Variants in PCLO observed in about 807,000 individuals in gnomAD.
PCLO encodes piccolo presynaptic cytomatrix protein, also known as protein piccolo.
Under a neutral mutation model 427.5 loss-of-function variants are expected in PCLO, and 82 were observed. The ratio of observed to expected loss-of-function variants is 0.19; its 90% confidence interval spans 0.16 to 0.23. The LOEUF (loss-of-function observed/expected upper bound fraction) is 0.23, where lower values mean the gene tolerates loss of function less well. Ranked by LOEUF, PCLO falls within the 10% of genes least tolerant of loss-of-function variation. PCLO has a pLI of 1.00. For missense variants in PCLO, 6,239 were observed against 6,115.9 expected, an observed-to-expected ratio of 1.02 and a Z score of -0.67; for synonymous variants, 2,357 against 2,155.4, an observed-to-expected ratio of 1.09 and a Z score of -2.59.
At chr7:82,940,635 A>G (rs1459965859) in intron 6 of PCLO, among the ~76,000 whole-genome samples, 1 of 151,518 alleles carries the variant, frequency 6.6e-6, no homozygotes, top group East Asian at 1.9e-4. Flanking sequence ...GTTATTTATC[A>G]TTCTTCACAG....
At chr7:82,986,537 T>C (rs1732557522) in intron 3 of PCLO, among the ~76,000 whole-genome samples, 1 of 151,940 alleles carries the variant, frequency 6.6e-6, no homozygotes, top group South Asian at 2.1e-4. Flanking sequence ...ATAACTTCAT[T>C]TTGATATTTA....
At chr7:82,945,605 C>A (rs565220709) in intron 6 of PCLO, among the ~76,000 whole-genome samples, 1 of 152,142 alleles carries the variant, frequency 6.6e-6, no homozygotes, top group Non-Finnish European at 1.5e-5. Context: ...TTGAAGCCAC[C>A]CAGTTTGTGG....
chr7:82,865,360 C>T (rs1316303580), intron 10 of PCLO, among the ~76,000 whole-genome samples: 1 of 151,924 alleles, frequency 6.6e-6, no homozygotes, highest in African/African-American at 2.4e-5. Flanking sequence ...TGGTGGCCAG[C>T]GACTGTAATC....
intron 1 of PCLO, among the ~76,000 whole-genome samples, chr7:83,158,075 G>C (rs1318797089): frequency 1.3e-5 from 2 of 152,012 alleles, no homozygotes; most frequent in East Asian, 1.9e-4. Flanking sequence ...TAGAAGAAAA[G>C]AAAATAATCT....
intron 3 of PCLO, among the ~76,000 whole-genome samples, chr7:83,111,784 T>C (rs1038799697): frequency 1.7e-4 from 26 of 152,248 alleles, no homozygotes; most frequent in Admixed American, 4.6e-4. Context: ...ACTTGTTACA[T>C]AGCAATATAA....
intron 8 of PCLO, among the ~76,000 whole-genome samples, chr7:82,903,457 A>T (rs1427574667): frequency 1.3e-5 from 2 of 152,026 alleles, no homozygotes; most frequent in Non-Finnish European, 2.9e-5. Flanking sequence ...TGTGATTTCA[A>T]TTCTCATTAT....
intron 3 of PCLO, among the ~76,000 whole-genome samples, chr7:83,133,920 C>T (rs978562210): frequency 4.0e-5 from 6 of 151,662 alleles, no homozygotes; most frequent in Non-Finnish European, 7.4e-5. Context: ...GGAGTTTACA[C>T]GTGAAAATAG....
At chr7:83,000,261 A>G (rs1787784424) in intron 3 of PCLO, among the ~76,000 whole-genome samples, 1 of 110,728 alleles carries the variant, frequency 9.0e-6, no homozygotes, top group South Asian at 3.4e-4. Flanking sequence ...TAAAATATTC[A>G]AAGTGTTGAG....
rs536663028 is a variant in PCLO at position 82,820,684 on chromosome 7, A to G, written c.14791+1811T>C. On this transcript the variant is annotated intron_variant, in intron 20 of 24. Coordinates refer to ENST00000333891, the MANE Select transcript of PCLO (RefSeq NM_033026.6). The stretch of plus-strand genomic sequence containing the variant: ...CCTCTAAGAATTTTCAAAATCCACT[A>G]AATTTTTAAAAGTTACACTTGAAAT... 2.1e-4 allele frequency: 261 copies of G among 1,230,318 alleles called. 1 individual carries two copies. In the African/African-American group the frequency reaches 3.2e-3, roughly 15 times the overall value. The allele number at this position is 1,230,318 out of a possible 1,614,324, so 76.2% of individuals were successfully genotyped here.
chr7:82,847,672 C>T lies in PCLO; in HGVS notation c.13655-425G>A, dbSNP rs983117601. 3.3e-5 allele frequency among the ~76,000 whole-genome samples: 5 copies of T among 152,246 alleles called. No individual in the cohort carries two copies. The South Asian group carries it at 8.3e-4, about 25-fold the overall frequency. ...TTGGTACTTTATCATGAAATGGGAG[C>T]AGTAGAAAAAAGTCATTTGGATTTC... On this transcript the variant is annotated intron_variant, in intron 10 of 24. Coordinates refer to ENST00000333891, the MANE Select transcript of PCLO (RefSeq NM_033026.6).
intron 2 of PCLO, among the ~76,000 whole-genome samples, chr7:83,150,525 G>A (rs1381767817): frequency 1.3e-5 from 2 of 152,174 alleles, no homozygotes; most frequent in African/African-American, 4.8e-5. Flanking sequence ...TTGGGTCGGG[G>A]AGTGATGATT....
intron 3 of PCLO, among the ~76,000 whole-genome samples, chr7:83,077,159 T>C (rs1036370646): frequency 6.6e-6 from 1 of 152,146 alleles, no homozygotes; most frequent in African/African-American, 2.4e-5. Flanking sequence ...AGCTAACATA[T>C]AGAGTATAGC....
intron 3 of PCLO, among the ~76,000 whole-genome samples, chr7:83,061,223 C>G (rs901550512): frequency 6.6e-6 from 1 of 152,102 alleles, no homozygotes; most frequent in African/African-American, 2.4e-5. Context: ...GGGTCCTTTT[C>G]CCCCATTCAA....
At chr7:83,073,363 T>C (rs980869612) in intron 3 of PCLO, among the ~76,000 whole-genome samples, 3 of 152,054 alleles carry the variant, frequency 2.0e-5, no homozygotes, top group African/African-American at 7.2e-5. Flanking sequence ...CCTTATTGAG[T>C]ACATTCAATG....
chr7:82,955,226 C>G lies in PCLO; in HGVS notation c.5727G>C (p.Lys1909Asn), dbSNP rs2116450324. ...ACATCTCCTCAGCACTTTTTAACGCCTTTTGGCTACCTTCTTTCTGCATAA... is the reference window on the plus strand; with the variant it reads ...ACATCTCCTCAGCACTTTTTAACGCGTTTTGGCTACCTTCTTTCTGCATAA... ...QSIMQKEGSQ[K>N]ALKSAEEMYE... The change falls in exon 5 of 25, where the codon AAG (lysine) becomes AAC (asparagine). Residue 1909 changes from lysine to asparagine, a missense_variant. Coordinates refer to ENST00000333891, the MANE Select transcript of PCLO (RefSeq NM_033026.6). 2 of 1,613,768 alleles carry G rather than the reference C, an allele frequency of 1.2e-6. No homozygotes were observed. The highest frequency in any genetic ancestry group is 1.7e-6 in the Non-Finnish European group (2 of 1,179,816).
At chr7:83,035,964 C>A (rs529564242) in intron 3 of PCLO, among the ~76,000 whole-genome samples, 73 of 152,102 alleles carry the variant, frequency 4.8e-4, no homozygotes, top group Non-Finnish European at 1.0e-3. Flanking sequence ...CTATCTGAAT[C>A]CAAAATATTT....
At chr7:82,780,995 T>C (rs995370430) in intron 22 of PCLO, among the ~76,000 whole-genome samples, 1 of 152,270 alleles carries the variant, frequency 6.6e-6, no homozygotes, top group South Asian at 2.1e-4. Flanking sequence ...CAGTTCCTCA[T>C]AGTGGATTTG....
intron 3 of PCLO, among the ~76,000 whole-genome samples, chr7:82,984,291 T>C (rs1229308508): frequency 6.6e-6 from 1 of 150,460 alleles, no homozygotes; most frequent in African/African-American, 2.5e-5. Flanking sequence ...GTTTTAATTA[T>C]TCAATCATTA....
At chr7:82,774,782 A>C (rs1790714745) in intron 22 of PCLO, among the ~76,000 whole-genome samples, 1 of 152,258 alleles carries the variant, frequency 6.6e-6, no homozygotes, top group South Asian at 2.1e-4. Flanking sequence ...CATATAAATT[A>C]AGGTTCATTC....
Sources: allele counts gnomAD v4.1 joint callset (sites outside exome capture counted in the v4.1 genomes callset), GRCh38; gene constraint gnomAD v4.1.1; transcripts MANE v1.5; gene names NCBI Gene and HGNC (gene_info 2026-07-23, HGNC 2026-07-21).